Variants in MUC3A observed in about 807,000 individuals in gnomAD.
MUC3A encodes the protein mucin-3A.
Under a neutral mutation model 109.0 loss-of-function variants are expected in MUC3A, and 109 were observed. The ratio of observed to expected loss-of-function variants is 1.00; its 90% CI spans 0.86 to 1.17. MUC3A has a LOEUF of 1.17. Ranked by LOEUF, MUC3A falls within the 50% of genes most tolerant of loss-of-function variation. MUC3A has a pLI of 0.00. For synonymous variants in MUC3A, 1,398 were observed against 981.4 expected (o/e 1.42, Z -7.93); for missense variants, 3,537 against 2,469.4 (o/e 1.43, Z -9.16).
intron 9 of MUC3A, 32 bp downstream of exon 9, chr7:100,966,591 A>C (rs1192847839): frequency 3.2e-6 from 5 of 1,584,224 alleles, no homozygotes; most frequent in Middle Eastern, 1.7e-4. Flanking sequence ...CCGGGGGGCG[A>C]GGGCAGCCAA....
At chr7:100,966,866 C>G in intron 10 of MUC3A, 33 bp from the exon 11 acceptor site, 9 of 1,598,492 alleles carry the variant, frequency 5.6e-6, no homozygotes, top group Non-Finnish European at 7.6e-6. Flanking sequence ...CCTCCCTCTC[C>G]CCTTCTCTTT....
chr7:100,954,036 A>T lies in MUC3A; in HGVS notation c.2257A>T (p.Lys753Ter). Residue 753 changes from lysine to a stop codon, truncating the protein, a stop_gained, in exon 2 of 12, where the codon AAA becomes TAA. Coordinates refer to ENST00000379458, the MANE Select transcript of MUC3A (RefSeq NM_005960.2). LOFTEE classifies it high-confidence loss of function. Reference sequence around the variant, plus strand: ...CACCTCTCCCTTGGTCTCAACTGCAAAAACAGCCAAAACTCCTACCACAAA... The same window carrying T: ...CACCTCTCCCTTGGTCTCAACTGCATAAACAGCCAAAACTCCTACCACAAA... ...PPTSPLVSTAKTAKTPTTNLV... is the reference protein window; with the variant it reads ...PPTSPLVSTA 1 of 454,866 alleles carries T rather than the reference A, an allele frequency of 2.2e-6. No individual in the cohort carries two copies. The allele number at this position is 454,866 out of a possible 1,614,324, so 28.2% of individuals were successfully genotyped here.
intron 5 of MUC3A, chr7:100,964,073 G>GAGAGAA: frequency 2.0e-6 from 1 of 506,806 alleles, no homozygotes; most frequent in East Asian, 3.5e-5. Flanking sequence ...GAAAGAGAGA[G>GAGAGAA]AGAGAAAGAG....
chr7:100,952,607 C>T lies in MUC3A; in HGVS notation c.828C>T (p.Ala276=), dbSNP rs77753678. The T allele has an allele frequency of 7.0e-7, 1 of 1,429,466 alleles. No homozygotes were observed. The highest frequency in any genetic ancestry group is 9.6e-7 in the Non-Finnish European group (1 of 1,044,736). 88.5% of individuals were successfully genotyped at this position (1,429,466 alleles called of 1,614,324 possible). A position where few individuals can be genotyped will look rare whatever the true frequency, so the allele number is the denominator to read the frequency against. ...TNTVTSMTTT[A]SQPTATNTLS... ...CAGTGACTTCTATGACAACGACCGC[C>T]TCCCAGCCCACAGCCACTAATACAT... is the stretch of plus-strand genomic sequence containing the variant. Residue 276 remains alanine (A), a synonymous_variant, in exon 2 of 12, where the codon GCC becomes GCT. Transcript: ENST00000379458.
chr7:100,961,016 G>T, intron 3 of MUC3A, 79 bp downstream of exon 3: 2 of 1,590,106 alleles, frequency 1.3e-6, no homozygotes, highest in East Asian at 2.2e-5. Flanking sequence ...CCCTCTGTGG[G>T]GCCTGGAGGC....
rs755295330 is a variant in MUC3A at position 100,960,260 on chromosome 7, A to C, written c.8481A>C (p.Thr2827=). ...TSISIQTTLT[T]YMDTSSMMPE... ...TCAGTATCCAAACTACTCTTACTAC[A>C]TATATGGACACTTCTTCCATGATGC... The change falls in exon 2 of 12, where the codon ACA becomes ACC. Residue 2827 remains threonine (T), a synonymous_variant. Transcript: ENST00000379458. 6.3e-7 allele frequency: 1 copy of C among 1,598,534 alleles called. No homozygotes were observed. The highest frequency in any genetic ancestry group is 8.5e-7 in the Non-Finnish European group (1 of 1,179,820).
At chr7:100,962,795 CT>C (rs199962333) in intron 3 of MUC3A, among the ~76,000 whole-genome samples, 1 of 108,878 alleles carries the variant, frequency 9.2e-6, no homozygotes, top group East Asian at 2.4e-4. Context: ...CTCTTTCTTT[CT>C]TTCTCTCTCT....
At position 100,964,701 on chromosome 7, in the gene MUC3A, C is replaced by G; in HGVS notation, c.9240C>G (p.Gly3080=). The change falls in exon 6 of 12, where the codon GGC becomes GGG. Residue 3080 remains glycine (G), a synonymous_variant. Transcript: ENST00000379458. The part of the protein sequence containing the change: ...KGVEILSLRN[G]SIVVDYLVLL... ...AAGGCTGTGGACCCCTCAGGAATGG[C>G]AGCATCGTGGTGGACTACCTGGTCC... 6.3e-7 allele frequency: 1 copy of G among 1,598,096 alleles called. No homozygotes were observed. The highest frequency in any genetic ancestry group is 8.5e-7 in the Non-Finnish European group (1 of 1,179,516).
chr7:100,960,301 G>A lies in MUC3A; in HGVS notation c.8522G>A (p.Ser2841Asn). The change falls in exon 2 of 12, where the codon AGC becomes AAC. Residue 2841 changes from serine (S) to asparagine (N), a missense_variant. Ser to Asn is a conservative substitution (Grantham distance 46). Transcript: ENST00000379458. Reference protein sequence around the residue: ...TSSMMPESESSISPNASSSTG... With the variant: ...TSSMMPESESNISPNASSSTG... Reference sequence around the variant, plus strand: ...TCCATGATGCCAGAAAGTGAGTCCAGCATCTCACCCAATGCTTCCAGTTCC... The same window carrying A: ...TCCATGATGCCAGAAAGTGAGTCCAACATCTCACCCAATGCTTCCAGTTCC... 6.3e-7 allele frequency: 1 copy of A among 1,598,552 alleles called. No homozygotes were observed. Among genetic ancestry groups the A allele is most frequent in the Non-Finnish European group, 8.5e-7 (1 of 1,179,828 alleles).
rs375370881 is a variant in MUC3A at position 100,959,488 on chromosome 7, T to A, written c.7709T>A (p.Ile2570Asn). The change falls in exon 2 of 12, where the codon ATT becomes AAT. Residue 2570 changes from isoleucine to asparagine, a missense_variant. Coordinates refer to ENST00000379458, the MANE Select transcript of MUC3A (RefSeq NM_005960.2). ...NTPISSFSTS[I>N]VVIPETPTQT... is the part of the protein sequence containing the mutation. ...CCAATCAGTTCCTTTAGCACAAGTA[T>A]TGTTGTTATACCTGAAACCCCAACA... The A allele has an allele frequency of 1.7e-4, 275 of 1,583,988 alleles. No individual in the cohort carries two copies. The highest frequency in any genetic ancestry group is 2.0e-4 in the Non-Finnish European group (238 of 1,174,118).
Sources: allele counts gnomAD v4.1 joint callset (sites outside exome capture counted in the v4.1 genomes callset), GRCh38; gene constraint gnomAD v4.1.1; transcripts MANE v1.5; gene names NCBI Gene and HGNC (gene_info 2026-07-23, HGNC 2026-07-21).